The following ARF6 variants were observed in gnomAD, a reference collection of about 807,000 sequenced individuals.
The protein encoded by ARF6 is ARF GTPase 6.
For missense variants in ARF6, 75 were observed against 232.0 expected (o/e 0.32, Z 4.40); for synonymous variants, 127 against 95.5 (o/e 1.33, Z -1.92).
At position 49,894,286 on chromosome 14, in the gene ARF6, C is replaced by T; in HGVS notation, c.*22C>T. On this transcript the variant is annotated 3_prime_UTR_variant, in exon 2 of 2. Transcript: ENST00000298316. The stretch of plus-strand genomic sequence containing the variant: ...TTAATGAGCATTCTCCACCCATCCC[C>T]TGGAAGGAGAGAAATCAAAAACCCA... The T allele has an allele frequency of 1.3e-6, 2 of 1,574,980 alleles. No individual in the cohort carries two copies. Among genetic ancestry groups the T allele is most frequent in the South Asian group, 1.1e-5 (1 of 88,242 alleles).
In ARF6 at chr14:49,896,176, C is replaced by T. The variant is rs1894520977; in HGVS notation, c.*1912C>T. On this transcript the variant is annotated 3_prime_UTR_variant, in exon 2 of 2. Coordinates refer to ENST00000298316, the MANE Select transcript of ARF6 (RefSeq NM_001663.4). The stretch of plus-strand genomic sequence containing the variant: ...ATTCTCATGTAGGCTCCTGTTGGTG[C>T]AGAGGGATTTTTTTGATTTCAGGAT... The T allele has an allele frequency of 1.2e-5, 2 of 166,234 alleles. No homozygotes were observed. The allele number at this position is 166,234 out of a possible 1,614,324, so 10.3% of individuals were successfully genotyped here. A position where few individuals can be genotyped will look rare whatever the true frequency, so the allele number is the denominator to read the frequency against.
chr14:49,893,662 C>T lies in ARF6; in HGVS notation c.-75C>T. ...CGGCCGAGAGGCTTCGTTTCGGTTTCGCGGCGGCGGCGGCGTTGTTGGCTG... is the reference window on the plus strand; with the variant it reads ...CGGCCGAGAGGCTTCGTTTCGGTTTTGCGGCGGCGGCGGCGTTGTTGGCTG... On this transcript the variant is annotated 5_prime_UTR_variant, in exon 2 of 2. Coordinates refer to ENST00000298316, the MANE Select transcript of ARF6 (RefSeq NM_001663.4). The T allele has an allele frequency of 6.5e-7, 1 of 1,540,180 alleles. No individual in the cohort carries two copies. The highest frequency in any genetic ancestry group is 1.8e-4 in the Middle Eastern group (1 of 5,714).
In ARF6 at chr14:49,893,288, C is replaced by G. The variant is rs977893482; in HGVS notation, c.-449C>G. 1 of 155,780 alleles carries G rather than the reference C, an allele frequency of 6.4e-6. No individual in the cohort carries two copies. Among genetic ancestry groups the G allele is most frequent in the Non-Finnish European group, 1.4e-5 (1 of 70,694 alleles). The allele number at this position is 155,780 out of a possible 1,614,324, so 9.6% of individuals were successfully genotyped here. On this transcript the variant is annotated 5_prime_UTR_variant, in exon 2 of 2. Transcript: ENST00000298316. ...ACCGAGTTCCCGCGAGGATCCATGA[C>G]CTGACGGGGCCCCGGAGCCGCGCTG...
In ARF6 at chr14:49,895,582, G is replaced by A. The variant is rs1192090057; in HGVS notation, c.*1318G>A. Reference sequence around the variant, plus strand: ...ATAGTACACTGTCTCCTTTAAGGAAGGAAGCGTGATGAATGAATGATGTGT... The same window carrying A: ...ATAGTACACTGTCTCCTTTAAGGAAAGAAGCGTGATGAATGAATGATGTGT... On this transcript the variant is annotated 3_prime_UTR_variant, in exon 2 of 2. Coordinates refer to ENST00000298316, the MANE Select transcript of ARF6 (RefSeq NM_001663.4). 1.8e-5 allele frequency: 3 copies of A among 167,098 alleles called. No homozygotes were observed. The highest frequency in any genetic ancestry group is 4.4e-5 in the Non-Finnish European group (3 of 68,114). 10.4% of individuals were successfully genotyped at this position (167,098 alleles called of 1,614,324 possible). A position where few individuals can be genotyped will look rare whatever the true frequency, so the allele number is the denominator to read the frequency against.
At position 49,893,868 on chromosome 14, in the gene ARF6, T is replaced by G. The variant is rs758835566; in HGVS notation, c.132T>G (p.Thr44=). The part of the protein sequence containing the change: ...KLGQSVTTIP[T]VGFNVETVTY... ...GCCAGTCGGTGACCACCATTCCCAC[T>G]GTGGGTTTCAACGTGGAGACGGTGA... Residue 44 remains threonine (T), a synonymous_variant, in exon 2 of 2, where the codon ACT becomes ACG. Transcript: ENST00000298316. 6.2e-7 allele frequency: 1 copy of G among 1,614,216 alleles called. No individual in the cohort carries two copies. The highest frequency in any genetic ancestry group is 1.3e-5 in the African/African-American group (1 of 75,048).
rs1241716095 is a variant in ARF6, at chr14:49,895,122, GT to G, written c.*863del. 1 of 166,926 alleles carries G rather than the reference GT, an allele frequency of 6.0e-6. No homozygotes were observed. Among genetic ancestry groups the G allele is most frequent in the Non-Finnish European group, 1.5e-5 (1 of 68,104 alleles). 10.3% of individuals were successfully genotyped at this position (166,926 alleles called of 1,614,324 possible). On this transcript the variant is annotated 3_prime_UTR_variant, in exon 2 of 2. Transcript: ENST00000298316. ...CCACTGCAAAGTTAGCCACTTTGCT[GT>G]TTTTCCTCTTTTTTAAACTTTGAAA...
Position 49,894,090 on chromosome 14 carries a change from C to G in ARF6, c.354C>G (p.Leu118=). 1 of 1,614,144 alleles carries G rather than the reference C, an allele frequency of 6.2e-7. No individual in the cohort carries two copies. Among genetic ancestry groups the G allele is most frequent in the Non-Finnish European group, 8.5e-7 (1 of 1,180,024 alleles). Residue 118 remains leucine, a synonymous_variant, in exon 2 of 2, where the codon CTC becomes CTG. Coordinates refer to ENST00000298316, the MANE Select transcript of ARF6 (RefSeq NM_001663.4). ...GGGAGATGAGGGACGCCATAATCCT[C>G]ATCTTCGCCAACAAGCAGGACCTGC... ...NDREMRDAII[L]IFANKQDLPD... is the part of the protein sequence containing the mutation.
At position 49,893,568 on chromosome 14, in the gene ARF6, G is replaced by C. The variant is rs1157479182; in HGVS notation, c.-169G>C. On this transcript the variant is annotated 5_prime_UTR_variant, in exon 2 of 2. Transcript: ENST00000298316. ...TCAAGTTGTGCGGTCGGTGATGCCCGAGTGAGCGGGGGGCCTGGGCCTCTG... is the reference window on the plus strand; with the variant it reads ...TCAAGTTGTGCGGTCGGTGATGCCCCAGTGAGCGGGGGGCCTGGGCCTCTG... 1 of 752,050 alleles carries C rather than the reference G, an allele frequency of 1.3e-6. No homozygotes were observed. The highest frequency in any genetic ancestry group is 1.9e-5 in the South Asian group (1 of 53,656). 46.6% of individuals were successfully genotyped at this position (752,050 alleles called of 1,614,324 possible).
At position 49,894,603 on chromosome 14, in the gene ARF6, A is replaced by G. The variant is rs1453567287; in HGVS notation, c.*339A>G. On this transcript the variant is annotated 3_prime_UTR_variant, in exon 2 of 2. Transcript: ENST00000298316. ...AGTTCTTGGTAAAGTCCTTTGTAAT[A>G]ATAGTTTGATTTTTTTATTTCGAGA... The G allele has an allele frequency of 4.6e-6, 1 of 217,340 alleles. No homozygotes were observed. Among genetic ancestry groups the G allele is most frequent in the African/African-American group, 2.3e-5 (1 of 43,146 alleles). The allele number at this position is 217,340 out of a possible 1,614,324, so 13.5% of individuals were successfully genotyped here. A position where few individuals can be genotyped will look rare whatever the true frequency, so the allele number is the denominator to read the frequency against.
At position 49,893,888 on chromosome 14, in the gene ARF6, C is replaced by A; in HGVS notation, c.152C>A (p.Thr51Lys). 1 of 1,614,224 alleles carries A rather than the reference C, an allele frequency of 6.2e-7. No individual in the cohort carries two copies. Among genetic ancestry groups the A allele is most frequent in the Non-Finnish European group, 8.5e-7 (1 of 1,180,042 alleles). Residue 51 changes from threonine (T) to lysine (K), a missense_variant, in exon 2 of 2, where the codon ACG becomes AAG. Coordinates refer to ENST00000298316, the MANE Select transcript of ARF6 (RefSeq NM_001663.4). ...CCCACTGTGGGTTTCAACGTGGAGA[C>A]GGTGACTTACAAAAATGTCAAGTTC... ...TIPTVGFNVE[T>K]VTYKNVKFNV...
Position 49,893,677 on chromosome 14 carries a change from G to A in ARF6, c.-60G>A, listed in dbSNP as rs1894480857. 6.4e-7 allele frequency: 1 copy of A among 1,563,802 alleles called. No homozygotes were observed. Among genetic ancestry groups the A allele is most frequent in the South Asian group, 1.2e-5 (1 of 85,268 alleles). On this transcript the variant is annotated 5_prime_UTR_variant, in exon 2 of 2. Coordinates refer to ENST00000298316, the MANE Select transcript of ARF6 (RefSeq NM_001663.4). ...GTTTCGGTTTCGCGGCGGCGGCGGC[G>A]TTGTTGGCTGAGGGGACCCGGGACA... is the stretch of plus-strand genomic sequence containing the variant.
rs1257981329 is a variant in ARF6, at chr14:49,895,144, T to G, written c.*880T>G. On this transcript the variant is annotated 3_prime_UTR_variant, in exon 2 of 2. Coordinates refer to ENST00000298316, the MANE Select transcript of ARF6 (RefSeq NM_001663.4). ...GCTGTTTTTCCTCTTTTTTAAACTT[T>G]GAAAATAGACTCTTTCCAGAAATTG... 1 of 167,006 alleles carries G rather than the reference T, an allele frequency of 6.0e-6. No homozygotes were observed. The highest frequency in any genetic ancestry group is 1.5e-5 in the Non-Finnish European group (1 of 68,128). The allele number at this position is 167,006 out of a possible 1,614,324, so 10.3% of individuals were successfully genotyped here.
In ARF6 at chr14:49,893,614, C is replaced by T; in HGVS notation, c.-123C>T. ...CTCTGCCCTTAGGAGGCAACTCCCA[C>T]GCAGGCCGCAAAGGCGCTCTCGCGG... On this transcript the variant is annotated 5_prime_UTR_variant, in exon 2 of 2. The change creates a new upstream start codon in the 5' untranslated region. Coordinates refer to ENST00000298316, the MANE Select transcript of ARF6 (RefSeq NM_001663.4). 1 of 1,285,850 alleles carries T rather than the reference C, an allele frequency of 7.8e-7. No individual in the cohort carries two copies. Among genetic ancestry groups the T allele is most frequent in the Non-Finnish European group, 1.1e-6 (1 of 924,012 alleles). The allele number at this position is 1,285,850 out of a possible 1,614,324, so 79.7% of individuals were successfully genotyped here. A position where few individuals can be genotyped will look rare whatever the true frequency, so the allele number is the denominator to read the frequency against.
Position 49,893,984 on chromosome 14 carries a change from G to C in ARF6, c.248G>C (p.Gly83Ala). Residue 83 changes from glycine to alanine, a missense_variant, in exon 2 of 2, where the codon GGT (glycine) becomes GCT (alanine). Transcript: ENST00000298316. ...LWRHYYTGTQ[G>A]LIFVVDCADR... is the part of the protein sequence containing the mutation. The stretch of plus-strand genomic sequence containing the variant: ...CGGCATTACTACACTGGGACCCAAG[G>C]TCTCATCTTCGTAGTGGACTGCGCC... 1 of 1,614,226 alleles carries C rather than the reference G, an allele frequency of 6.2e-7. No individual in the cohort carries two copies. Among genetic ancestry groups the C allele is most frequent in the Non-Finnish European group, 8.5e-7 (1 of 1,180,046 alleles).
chr14:49,895,533 TAAA>T lies in ARF6; in HGVS notation c.*1273_*1275del, dbSNP rs933636973. ...TTGTAGGATTAACTCATGCAAATAA[TAAA>T]AAAGATATCCTGTTGGTTCAATAGT... On this transcript the variant is annotated 3_prime_UTR_variant, in exon 2 of 2. Transcript: ENST00000298316. The T allele has an allele frequency of 6.0e-6, 1 of 167,146 alleles. No homozygotes were observed. The highest frequency in any genetic ancestry group is 2.1e-4 in the South Asian group (1 of 4,822). 10.4% of individuals were successfully genotyped at this position (167,146 alleles called of 1,614,324 possible). A position where few individuals can be genotyped will look rare whatever the true frequency, so the allele number is the denominator to read the frequency against.
Position 49,894,069 on chromosome 14 carries a change from G to C in ARF6, c.333G>C (p.Glu111Asp), listed in dbSNP as rs1894487250. 1.2e-6 allele frequency: 2 copies of C among 1,614,204 alleles called. No homozygotes were observed. The highest frequency in any genetic ancestry group is 1.7e-6 in the Non-Finnish European group (2 of 1,180,040). The change falls in exon 2 of 2, where the codon GAG (glutamate) becomes GAC (aspartate). Residue 111 changes from glutamate to aspartate, a missense_variant. By Grantham distance (45) the Glu-to-Asp change is conservative (BLOSUM62 2). Transcript: ENST00000298316. ...QELHRIINDR[E>D]MRDAIILIFA... ...TGCACCGCATTATCAATGACCGGGA[G>C]ATGAGGGACGCCATAATCCTCATCT... is the stretch of plus-strand genomic sequence containing the variant.
Position 49,894,275 on chromosome 14 carries a change from C to T in ARF6, c.*11C>T, listed in dbSNP as rs552803515. ...AACTACAAATCTTAATGAGCATTCT[C>T]CACCCATCCCCTGGAAGGAGAGAAA... On this transcript the variant is annotated 3_prime_UTR_variant, in exon 2 of 2. Transcript: ENST00000298316. The T allele has an allele frequency of 9.4e-5, 149 of 1,592,192 alleles. No individual in the cohort carries two copies. The Admixed American group carries it at 1.1e-3, about 11-fold the overall frequency.
chr14:49,894,358 CTT>C lies in ARF6; in HGVS notation c.*95_*96del. The stretch of plus-strand genomic sequence containing the variant: ...TCACCTCTTTCAATTGCCACTTTCT[CTT>C]CTTTTGAATTTGAACTCTGGAGTTA... On this transcript the variant is annotated 3_prime_UTR_variant, in exon 2 of 2. Coordinates refer to ENST00000298316, the MANE Select transcript of ARF6 (RefSeq NM_001663.4). The C allele has an allele frequency of 7.6e-7, 1 of 1,314,394 alleles. No homozygotes were observed. The highest frequency in any genetic ancestry group is 1.0e-6 in the Non-Finnish European group (1 of 971,790). 81.4% of individuals were successfully genotyped at this position (1,314,394 alleles called of 1,614,324 possible).
In ARF6 at chr14:49,895,784, A is replaced by G. The variant is rs570493819; in HGVS notation, c.*1520A>G. 1.2e-5 allele frequency: 2 copies of G among 166,870 alleles called. No homozygotes were observed. Among genetic ancestry groups the G allele is most frequent in the Admixed American group, 1.3e-4 (2 of 15,308 alleles). The allele number at this position is 166,870 out of a possible 1,614,324, so 10.3% of individuals were successfully genotyped here. ...GACCAGTAACTGGATTGCGACCACT[A>G]TGATAATATTTTGAACCAAATGTTA... On this transcript the variant is annotated 3_prime_UTR_variant, in exon 2 of 2. Coordinates refer to ENST00000298316, the MANE Select transcript of ARF6 (RefSeq NM_001663.4).
Sources: gnomAD v4.1 joint callset for allele counts on GRCh38, gnomAD v4.1.1 for gene constraint, MANE v1.5 for transcripts, NCBI Gene and HGNC (gene_info 2026-07-23, HGNC 2026-07-21) for gene names.